SUCLA2: variants seen among roughly 807,000 people sequenced by gnomAD.
The protein encoded by SUCLA2 is succinate-CoA ligase ADP-forming subunit beta, also known as succinate--CoA ligase [ADP-forming] subunit beta, mitochondrial.
In SUCLA2, 30 loss-of-function variants were observed where a neutral mutation model predicts 54.8. The ratio of observed to expected loss-of-function variants is 0.55; its 90% CI spans 0.41 to 0.74. The LOEUF (loss-of-function observed/expected upper bound fraction) is 0.74, where lower values mean the gene tolerates loss of function less well. SUCLA2 is among the 30% of genes least tolerant of loss of function. SUCLA2 has a pLI of 0.00. For missense variants in SUCLA2, 476 were observed against 562.9 expected (o/e 0.85, Z 1.56); for synonymous variants, 172 against 188.9 (o/e 0.91, Z 0.74).
chr13:47,987,319 G>C (rs73495309), intron 4 of SUCLA2, among the ~76,000 whole-genome samples: 1 of 152,046 alleles, frequency 6.6e-6, no homozygotes, highest in African/African-American at 2.4e-5. Flanking sequence ...CTTGTTTCTG[G>C]CTACTGTAAC....
intron 6 of SUCLA2, among the ~76,000 whole-genome samples, chr13:47,964,687 C>A (rs1056034669): frequency 6.6e-6 from 1 of 152,040 alleles, no homozygotes; most frequent in South Asian, 2.1e-4. Context: ...GAAACCCCGT[C>A]TCTACTAAAA....
chr13:47,979,261 G>A (rs538310090), intron 4 of SUCLA2, among the ~76,000 whole-genome samples: 9 of 152,118 alleles, frequency 5.9e-5, no homozygotes, highest in Non-Finnish European at 1.3e-4. Context: ...AGTGATAGAC[G>A]GGATAAAGAA....
In SUCLA2 at chr13:47,970,871, A is replaced by G. The variant is rs116232666; in HGVS notation, c.664-2138T>C. ...CAAGACTCCGTCTCAAAAAAAAAAT[A>G]ATTCTTGCACTTGCTGTACTTCAAT... On this transcript the variant is annotated intron_variant, in intron 5 of 10. Coordinates refer to ENST00000646932, the MANE Select transcript of SUCLA2 (RefSeq NM_003850.3). Among the ~76,000 whole-genome samples the G allele has an allele frequency of 5.7e-3, 866 of 151,558 alleles. 5 individuals are homozygous for G. Among genetic ancestry groups the G allele is most frequent in the African/African-American group, 0.019 (761 of 41,108 alleles).
rs192722522 is a variant in SUCLA2 at position 47,976,059 on chromosome 13, C to G, written c.535-2667G>C. Among the ~76,000 whole-genome samples the G allele has an allele frequency of 1.8e-4, 27 of 152,190 alleles. No homozygotes were observed. In the East Asian group the frequency reaches 4.3e-3, roughly 24 times the overall value. On this transcript the variant is annotated intron_variant, in intron 4 of 10. Coordinates refer to ENST00000646932, the MANE Select transcript of SUCLA2 (RefSeq NM_003850.3). The stretch of plus-strand genomic sequence containing the variant: ...TCTGGGAGTTCGAGACCAGCCTGGG[C>G]AACATAGTGAGAACCTGTCTCTACA...
chr13:47,995,295 G>A (rs1566093429), intron 2 of SUCLA2, among the ~76,000 whole-genome samples: 1 of 107,568 alleles, frequency 9.3e-6, no homozygotes, highest in Non-Finnish European at 1.8e-5. Flanking sequence ...CCATGCAGAA[G>A]TTCCAATTAT....
chr13:47,955,143 G>C (rs1451080953), intron 6 of SUCLA2, among the ~76,000 whole-genome samples: 2 of 152,030 alleles, frequency 1.3e-5, no homozygotes, highest in Non-Finnish European at 2.9e-5. Context: ...AGGGTTTCTG[G>C]GGAAAAAAAA....
At chr13:47,956,412 A>G (rs1464293284) in intron 6 of SUCLA2, among the ~76,000 whole-genome samples, 2 of 152,196 alleles carry the variant, frequency 1.3e-5, no homozygotes, top group Non-Finnish European at 2.9e-5. Flanking sequence ...CTCTTGGACA[A>G]TATCAAGAAG....
chr13:47,958,165 A>C (rs1949837115), intron 6 of SUCLA2, among the ~76,000 whole-genome samples: 1 of 152,010 alleles, frequency 6.6e-6, no homozygotes, highest in African/African-American at 2.4e-5. Flanking sequence ...TGTTCTTTGG[A>C]GTCTGGGGAG....
chr13:47,968,516 T>G, intron 6 of SUCLA2, 79 bp downstream of exon 6: 1 of 1,553,710 alleles, frequency 6.4e-7, no homozygotes, highest in Non-Finnish European at 8.8e-7. Flanking sequence ...CTACTTTAAC[T>G]TCTATGATTT....
chr13:47,998,241 T>C (rs1253122402), intron 1 of SUCLA2, among the ~76,000 whole-genome samples: 2 of 148,632 alleles, frequency 1.3e-5, no homozygotes, highest in Admixed American at 6.8e-5. Context: ...TTCACCACTG[T>C]CCTCCAGCTT....
chr13:47,965,595 G>A lies in SUCLA2; in HGVS notation c.802+3000C>T, dbSNP rs142645602. 4.7e-4 allele frequency: 186 copies of A among 398,070 alleles called. 1 individual carries two copies. The highest frequency in any genetic ancestry group is 3.7e-3 in the African/African-American group (179 of 48,614). The allele number at this position is 398,070 out of a possible 1,614,324, so 24.7% of individuals were successfully genotyped here. On this transcript the variant is annotated intron_variant, in intron 6 of 10. Coordinates refer to ENST00000646932, the MANE Select transcript of SUCLA2 (RefSeq NM_003850.3). ...AATCAAACTTCCAGATCTGTTCCAGGTCAAATGGATGTGACAACTCAATTC... is the reference window on the plus strand; with the variant it reads ...AATCAAACTTCCAGATCTGTTCCAGATCAAATGGATGTGACAACTCAATTC...
intron 6 of SUCLA2, among the ~76,000 whole-genome samples, chr13:47,960,312 C>G (rs943035011): frequency 6.6e-5 from 10 of 152,034 alleles, no homozygotes; most frequent in African/African-American, 2.4e-4. Flanking sequence ...CTACTGTGGT[C>G]AAGCCTTTAA....
chr13:47,949,087 A>T, intron 9 of SUCLA2, 59 bp from the exon 10 acceptor site: 1 of 1,541,062 alleles, frequency 6.5e-7, no homozygotes, highest in African/African-American at 1.4e-5. Flanking sequence ...GCATTTTAAA[A>T]TGTTTGCCAA....
chr13:47,993,090 G>A (rs1213070779), intron 2 of SUCLA2, among the ~76,000 whole-genome samples: 1 of 152,128 alleles, frequency 6.6e-6, no homozygotes, highest in Non-Finnish European at 1.5e-5. Flanking sequence ...AATTAGCCAG[G>A]CATGGTGGAG....
chr13:47,967,230 GA>G (rs1461236661), intron 6 of SUCLA2, among the ~76,000 whole-genome samples: 3 of 152,050 alleles, frequency 2.0e-5, no homozygotes, highest in African/African-American at 7.2e-5. Context: ...GTTGGGGGAA[GA>G]GGGGCATAAG....
intron 2 of SUCLA2, among the ~76,000 whole-genome samples, chr13:47,992,234 G>A (rs74868461): frequency 6.6e-6 from 1 of 152,014 alleles, no homozygotes; most frequent in Admixed American, 6.6e-5. Flanking sequence ...GAGTAACGAA[G>A]CTCTATTTTT....
chr13:47,959,280 GA>G (rs1484724457), intron 6 of SUCLA2, among the ~76,000 whole-genome samples: 3 of 151,884 alleles, frequency 2.0e-5, no homozygotes, highest in Admixed American at 2.0e-4. Context: ...AGAAAGGTAT[GA>G]AAAAAATTAT....
chr13:48,000,979 G>A (rs79686432), intron 1 of SUCLA2: 17 of 1,426,914 alleles, frequency 1.2e-5, no homozygotes, highest in Admixed American at 5.6e-5. Flanking sequence ...GCGGACTAAG[G>A]GCTGGGTCAG....
chr13:47,995,617 G>A (rs998898644), intron 2 of SUCLA2, among the ~76,000 whole-genome samples: 3 of 151,930 alleles, frequency 2.0e-5, no homozygotes, highest in African/African-American at 7.3e-5. Flanking sequence ...CTTTGAAAAT[G>A]CTCATCTTTC....
Sources: allele counts gnomAD v4.1 joint callset (sites outside exome capture counted in the v4.1 genomes callset), GRCh38; gene constraint gnomAD v4.1.1; transcripts MANE v1.5; gene names NCBI Gene and HGNC (gene_info 2026-07-23, HGNC 2026-07-21).